Variants in CCDC7 observed in about 807,000 individuals in gnomAD.
CCDC7 encodes the protein coiled-coil domain-containing protein 7.
CCDC7 carries 183 observed loss-of-function variants against 196.9 expected under a neutral mutation model. The observed-to-expected ratio is 0.93, with a 90% CI of 0.82 to 1.05. CCDC7 has a LOEUF of 1.05. Ranked by LOEUF, CCDC7 falls within the 50% of genes least tolerant of loss-of-function variation. The pLI is 0.00. For synonymous variants in CCDC7, 525 were observed against 484.6 expected, an observed-to-expected ratio of 1.08 and a Z score of -1.10; for missense variants, 1,540 against 1,482.2, an observed-to-expected ratio of 1.04 and a Z score of -0.64.
At chr10:32,571,775 C>G (rs2057593105) in intron 15 of CCDC7, 84 bp from the exon 17 acceptor site, 2 of 1,264,794 alleles carry the variant, frequency 1.6e-6, no homozygotes, top group Non-Finnish European at 2.1e-6. Context: ...TAAAAAACTA[C>G]CTTAAATGAT....
intron 25 of CCDC7, among the ~76,000 whole-genome samples, chr10:32,722,869 T>A (rs2082609651): frequency 6.6e-6 from 1 of 152,092 alleles, no homozygotes; most frequent in South Asian, 2.1e-4. Flanking sequence ...AATGCAATGC[T>A]CCTCTATATC....
At chr10:32,693,255 AT>A (rs1297585588) in intron 23 of CCDC7, among the ~76,000 whole-genome samples, 6 of 152,210 alleles carry the variant, frequency 3.9e-5, no homozygotes, top group Non-Finnish European at 8.8e-5. Context: ...GTAAAACAAT[AT>A]ATATGCAAAA....
chr10:32,760,808 C>T (rs537722610), intron 28 of CCDC7, among the ~76,000 whole-genome samples: 17 of 151,312 alleles, frequency 1.1e-4, no homozygotes, highest in African/African-American at 2.2e-4. Flanking sequence ...AAGATGGCTC[C>T]GGAAGGTTCA....
intron 18 of CCDC7, among the ~76,000 whole-genome samples, chr10:32,605,352 G>A (rs1048924221): frequency 6.6e-6 from 1 of 152,166 alleles, no homozygotes; most frequent in African/African-American, 2.4e-5. Context: ...TTGGTACTGA[G>A]GAATGGGGCG....
intron 31 of CCDC7, among the ~76,000 whole-genome samples, chr10:32,818,275 C>G (rs542787973): frequency 6.6e-6 from 1 of 152,182 alleles, no homozygotes; most frequent in Non-Finnish European, 1.5e-5. Flanking sequence ...ATCAATTCAA[C>G]AAGAAGAGCT....
rs1398694818 is a variant in CCDC7 at position 32,666,997 on chromosome 10, G to T, written c.2122+2836G>T. On this transcript the variant is annotated intron_variant, in intron 21 of 41. Coordinates refer to ENST00000639629, the Ensembl canonical transcript of CCDC7. ...ACTAGTTTACAGTCCCACCAACAGT[G>T]TAAAAGCGTTCCTATTTCTCCACAT... 2.6e-5 allele frequency among the ~76,000 whole-genome samples: 4 copies of T among 152,252 alleles called. No homozygotes were observed. The East Asian group carries it at 5.8e-4, about 22-fold the overall frequency.
At chr10:32,752,747 A>T (rs932762074) in intron 28 of CCDC7, among the ~76,000 whole-genome samples, 1 of 152,202 alleles carries the variant, frequency 6.6e-6, no homozygotes, top group African/African-American at 2.4e-5. Flanking sequence ...ATGATATTAC[A>T]TATCTGTACC....
At chr10:32,871,141 T>G (rs941747549) in intron 41 of CCDC7, among the ~76,000 whole-genome samples, 14 of 152,206 alleles carry the variant, frequency 9.2e-5, no homozygotes, top group African/African-American at 3.4e-4. Context: ...GATTCTCTCT[T>G]TTTCTATTGA....
At chr10:32,547,929 T>A (rs1379919483) in intron 13 of CCDC7, among the ~76,000 whole-genome samples, 1 of 152,178 alleles carries the variant, frequency 6.6e-6, no homozygotes, top group Non-Finnish European at 1.5e-5. Context: ...TGTAGTCTTT[T>A]ATCCCTCGCC....
intron 28 of CCDC7, among the ~76,000 whole-genome samples, chr10:32,739,133 CA>C (rs1180703618): frequency 6.6e-6 from 1 of 151,874 alleles, no homozygotes; most frequent in East Asian, 1.9e-4. Flanking sequence ...TGCTATTGAC[CA>C]TTTTTTATGT....
At position 32,565,623 on chromosome 10, in the gene CCDC7, A is replaced by G. The variant is rs755957666; in HGVS notation, c.1197+3A>G. ...AGCAATTGAAACAGGCTTTACAGGT[A>G]AAGGATGTCATGTTTCTTTAACATT... On this transcript the variant is annotated splice_donor_region_variant and intron_variant, in intron 14 of 41. Coordinates refer to ENST00000639629, the Ensembl canonical transcript of CCDC7. 3 of 1,607,194 alleles carry G rather than the reference A, an allele frequency of 1.9e-6. No individual in the cohort carries two copies. Among genetic ancestry groups the G allele is most frequent in the Non-Finnish European group, 2.6e-6 (3 of 1,176,034 alleles).
intron 27 of CCDC7, 38 bp downstream of exon 28, chr10:32,729,035 A>T (rs760578478): frequency 1.5e-6 from 2 of 1,330,420 alleles, no homozygotes; most frequent in Admixed American, 1.9e-5. Context: ...AAATTATTTT[A>T]TGTTGAACTC....
chr10:32,733,960 A>G (rs2084415544), intron 28 of CCDC7, among the ~76,000 whole-genome samples: 1 of 152,208 alleles, frequency 6.6e-6, no homozygotes, highest in Admixed American at 6.5e-5. Context: ...AGAAAAGAGA[A>G]CACTTACACA....
intron 28 of CCDC7, among the ~76,000 whole-genome samples, chr10:32,763,594 T>C (rs1272795087): frequency 6.6e-6 from 1 of 151,954 alleles, no homozygotes; most frequent in Non-Finnish European, 1.5e-5. Context: ...TGTCAGTGGA[T>C]GTATCGATAA....
chr10:32,822,538 G>T (rs960044950), intron 31 of CCDC7, among the ~76,000 whole-genome samples: 5 of 151,836 alleles, frequency 3.3e-5, no homozygotes, highest in Admixed American at 2.0e-4. Context: ...GTTATACAAA[G>T]AAATAATTAT....
chr10:32,769,598 A>G (rs2078853675), intron 28 of CCDC7, among the ~76,000 whole-genome samples: 1 of 152,094 alleles, frequency 6.6e-6, no homozygotes, highest in Non-Finnish European at 1.5e-5. Context: ...CGTCATCTAC[A>G]TTAGGTATTT....
At chr10:32,639,326 A>T (rs965343535) in intron 20 of CCDC7, among the ~76,000 whole-genome samples, 1 of 151,944 alleles carries the variant, frequency 6.6e-6, no homozygotes, top group South Asian at 2.1e-4. Flanking sequence ...TTGTTATGTT[A>T]GGGTGTCCAT....
At chr10:32,486,132 A>G (rs973598205) in intron 8 of CCDC7, among the ~76,000 whole-genome samples, 1 of 152,176 alleles carries the variant, frequency 6.6e-6, no homozygotes. Flanking sequence ...GTGGGAGTCT[A>G]CATCTCTTTC....
At chr10:32,729,673 G>T (rs1026268911) in intron 28 of CCDC7, among the ~76,000 whole-genome samples, 2 of 151,984 alleles carry the variant, frequency 1.3e-5, no homozygotes, top group Non-Finnish European at 2.9e-5. Flanking sequence ...TCTTGTATTA[G>T]TGTCAGGTTT....
Sources: gnomAD v4.1 joint callset for allele counts (sites outside exome capture counted in the v4.1 genomes callset) on GRCh38, gnomAD v4.1.1 for gene constraint, MANE v1.5 for transcripts, NCBI Gene and HGNC (gene_info 2026-07-23, HGNC 2026-07-21) for gene names.